WBP1L: variants seen among roughly 807,000 people sequenced by gnomAD.
WBP1L encodes the protein WW domain binding protein 1 like.
A neutral mutation model predicts 33.7 loss-of-function variants in WBP1L; 17 were observed. The ratio of observed to expected loss-of-function variants is 0.50; its 90% confidence interval spans 0.34 to 0.76. The LOEUF (loss-of-function observed/expected upper bound fraction) is 0.76, where lower values mean the gene tolerates loss of function less well. Ranked by LOEUF, WBP1L falls within the 30% of genes least tolerant of loss-of-function variation. WBP1L has a pLI of 0.01. For missense variants in WBP1L, 389 were observed against 469.4 expected (o/e 0.83, Z 1.58); for synonymous variants, 173 against 190.8 (o/e 0.91, Z 0.77).
At chr10:102,790,765 C>T (rs949109958) in intron 1 of WBP1L, among the ~76,000 whole-genome samples, 7 of 152,114 alleles carry the variant, frequency 4.6e-5, no homozygotes, top group African/African-American at 1.7e-4. Context: ...CCCGCCTCAG[C>T]CTCCCAAAGT....
chr10:102,775,117 CAAAAAAAAAA>C (rs59486422), intron 1 of WBP1L, among the ~76,000 whole-genome samples: 9 of 97,294 alleles, frequency 9.3e-5, no homozygotes, highest in African/African-American at 3.9e-4. Context: ...GACCCTATCT[CAAAAAAAAAA>C]AAAAAAAAAA....
chr10:102,809,026 C>G (rs1481916150), intron 2 of WBP1L, among the ~76,000 whole-genome samples: 2 of 152,208 alleles, frequency 1.3e-5, no homozygotes, highest in Admixed American at 1.3e-4. Context: ...GTGCCTTCCC[C>G]CAAGGTGCTG....
intron 1 of WBP1L, among the ~76,000 whole-genome samples, chr10:102,751,305 G>C (rs1590164865): frequency 7.2e-6 from 1 of 139,304 alleles, no homozygotes; most frequent in African/African-American, 2.7e-5. Flanking sequence ...CCCAATCAAG[G>C]TTTTCTTTTT....
chr10:102,766,110 G>A (rs1843104310), intron 1 of WBP1L, among the ~76,000 whole-genome samples: 1 of 151,866 alleles, frequency 6.6e-6, no homozygotes. Context: ...GACCAGCCTT[G>A]GCAACATAGG....
intron 1 of WBP1L, among the ~76,000 whole-genome samples, chr10:102,784,290 T>C (rs1188910252): frequency 6.6e-6 from 1 of 152,164 alleles, no homozygotes; most frequent in Non-Finnish European, 1.5e-5. Flanking sequence ...TACCTATTGC[T>C]GTGGGTTGGG....
intron 2 of WBP1L, among the ~76,000 whole-genome samples, chr10:102,802,552 G>A (rs955916830): frequency 1.5e-4 from 23 of 151,962 alleles, no homozygotes; most frequent in African/African-American, 5.1e-4. Context: ...TCACTCCCTC[G>A]CCCAGGCTGA....
At chr10:102,790,444 G>T (rs1249181386) in intron 1 of WBP1L, among the ~76,000 whole-genome samples, 5 of 151,994 alleles carry the variant, frequency 3.3e-5, no homozygotes, top group African/African-American at 9.7e-5. Context: ...TTGTCATCTT[G>T]TTTGTAATGG....
rs2134072071 is a variant in WBP1L at position 102,813,278 on chromosome 10, A to G, written c.1039A>G (p.Thr347Ala). The G allele has an allele frequency of 6.2e-7, 1 of 1,612,806 alleles. No homozygotes were observed. Among genetic ancestry groups the G allele is most frequent in the East Asian group, 2.2e-5 (1 of 44,862 alleles). ...GCCGCCCGCATGCCTGCTGCTGAAC[A>G]CCATCAACGAGCAGGACTCTCCCAA... is the stretch of plus-strand genomic sequence containing the variant. ...PRPPACLLLN[T>A]INEQDSPNSQ... Residue 347 changes from threonine to alanine, a missense_variant, in exon 4 of 4, where the codon ACC (threonine) becomes GCC (alanine). Coordinates refer to ENST00000448841, the MANE Select transcript of WBP1L (RefSeq NM_001083913.2).
chr10:102,771,028 G>A (rs1345210769), intron 1 of WBP1L, among the ~76,000 whole-genome samples: 2 of 152,128 alleles, frequency 1.3e-5, no homozygotes, highest in Non-Finnish European at 2.9e-5. Context: ...TGAGTAATAG[G>A]GATGGTAATA....
In WBP1L at chr10:102,807,933, G is replaced by A. The variant is rs563128891; in HGVS notation, c.194-1960G>A. Among the ~76,000 whole-genome samples, 58 of 151,870 alleles carry A rather than the reference G, an allele frequency of 3.8e-4. No homozygotes were observed. In the South Asian group the frequency reaches 9.3e-3, roughly 24 times the overall value. On this transcript the variant is annotated intron_variant, in intron 2 of 3. Transcript: ENST00000448841. ...AAAATTTAATTTGTTTTGGCCGGGC[G>A]CGGTGGCTCACACCTGTAATCCTAG...
intron 1 of WBP1L, among the ~76,000 whole-genome samples, chr10:102,789,822 A>T (rs1227976565): frequency 6.7e-6 from 1 of 148,498 alleles, no homozygotes; most frequent in African/African-American, 2.5e-5. Flanking sequence ...GGCTCACTGC[A>T]ACCCCCGCCT....
intron 1 of WBP1L, among the ~76,000 whole-genome samples, chr10:102,784,431 T>TA: frequency 6.9e-6 from 1 of 145,426 alleles, no homozygotes; most frequent in South Asian, 2.2e-4. Flanking sequence ...CTTTTTTTTT[T>TA]TTTTTTTTTT....
chr10:102,747,275 G>A (rs767961863), intron 1 of WBP1L, among the ~76,000 whole-genome samples: 3 of 150,200 alleles, frequency 2.0e-5, no homozygotes, highest in South Asian at 2.1e-4. Flanking sequence ...CAGAAGAATC[G>A]CTTGAACGTG....
In WBP1L at chr10:102,813,260, G is replaced by GCCCT; in HGVS notation, c.1022_1023insCCTC (p.Cys342LeufsTer40). The stretch of plus-strand genomic sequence containing the variant: ...GCACCCGCACCTGCCACGGCCGCCC[G>GCCCT]CATGCCTGCTGCTGAACACCATCAA... On this transcript the variant is annotated frameshift_variant, in exon 4 of 4. Coordinates refer to ENST00000448841, the MANE Select transcript of WBP1L (RefSeq NM_001083913.2). LOFTEE classifies it high-confidence loss of function. 6 of 1,612,650 alleles carry GCCCT rather than the reference G, an allele frequency of 3.7e-6. No homozygotes were observed. Among genetic ancestry groups the GCCCT allele is most frequent in the Non-Finnish European group, 5.1e-6 (6 of 1,179,894 alleles).
intron 1 of WBP1L, among the ~76,000 whole-genome samples, chr10:102,755,899 G>A (rs967952085): frequency 6.7e-6 from 1 of 149,260 alleles, no homozygotes; most frequent in Non-Finnish European, 1.5e-5. Flanking sequence ...CAAAAAATTA[G>A]CCGGGCGTGG....
At chr10:102,794,778 G>A (rs915693032) in intron 1 of WBP1L, among the ~76,000 whole-genome samples, 8 of 152,094 alleles carry the variant, frequency 5.3e-5, no homozygotes, top group African/African-American at 1.9e-4. Flanking sequence ...TGCGAGGAGA[G>A]CTGGGGCCAA....
intron 2 of WBP1L, among the ~76,000 whole-genome samples, chr10:102,804,970 C>T (rs2134064273): frequency 6.6e-6 from 1 of 152,040 alleles, no homozygotes; most frequent in Middle Eastern, 3.4e-3. Context: ...GAAAACAAAA[C>T]AAAACAAAAC....
At chr10:102,809,453 C>A (rs1843794722) in intron 2 of WBP1L, among the ~76,000 whole-genome samples, 1 of 151,978 alleles carries the variant, frequency 6.6e-6, no homozygotes, top group Non-Finnish European at 1.5e-5. Flanking sequence ...CTCACTACAA[C>A]CTCTATCTCC....
intron 1 of WBP1L, among the ~76,000 whole-genome samples, chr10:102,765,905 TC>T (rs1478854376): frequency 6.6e-6 from 1 of 152,194 alleles, no homozygotes; most frequent in Non-Finnish European, 1.5e-5. Flanking sequence ...TTAGCCTTTT[TC>T]TTGGGTCAGC....
Sources: allele counts gnomAD v4.1 joint callset (sites outside exome capture counted in the v4.1 genomes callset), GRCh38; gene constraint gnomAD v4.1.1; transcripts MANE v1.5; gene names NCBI Gene and HGNC (gene_info 2026-07-23, HGNC 2026-07-21).